The following COL5A2 variants were observed in gnomAD, a reference collection of about 807,000 sequenced individuals.
COL5A2 encodes the protein collagen alpha-2(V) chain.
Under a neutral mutation model 208.2 loss-of-function variants are expected in COL5A2, and 23 were observed. The observed-to-expected ratio is 0.11, with a 90% CI of 0.08 to 0.16. The LOEUF is 0.16. Ranked by LOEUF, COL5A2 falls within the 10% of genes least tolerant of loss-of-function variation. The pLI is 1.00. For synonymous variants in COL5A2, 625 were observed against 628.5 expected (o/e 0.99, Z 0.08); for missense variants, 1,590 against 1,956.4 (o/e 0.81, Z 3.53).
chr2:189,251,287 T>C, the COL5A2 span, among the ~76,000 whole-genome samples: 1 of 152,110 alleles, frequency 6.6e-6, no homozygotes, highest in Non-Finnish European at 1.5e-5. Flanking sequence ...ATCAAGATCA[T>C]GGGGGAGGAA....
the COL5A2 span, among the ~76,000 whole-genome samples, chr2:189,287,476 C>G: frequency 6.6e-6 from 1 of 152,034 alleles, no homozygotes; most frequent in African/African-American, 2.4e-5. Flanking sequence ...AGCCCCTTCT[C>G]TATTCAGTTC....
At chr2:189,341,980 A>C in the COL5A2 span, among the ~76,000 whole-genome samples, 2 of 152,106 alleles carry the variant, frequency 1.3e-5, no homozygotes, top group Admixed American at 1.3e-4. Context: ...AAACTAACTC[A>C]AATTATTGAT....
At chr2:189,247,429 A>G in the COL5A2 span, among the ~76,000 whole-genome samples, 4,938 of 152,184 alleles carry the variant, frequency 0.032, 85 homozygotes, top group Admixed American at 0.047. Flanking sequence ...TTCACAACAC[A>G]TATTTGAGTC....
In COL5A2 at chr2:189,157,326, C is replaced by T. The variant is rs189683738; in HGVS notation, c.97+22182G>A. Among the ~76,000 whole-genome samples the T allele has an allele frequency of 7.3e-4, 111 of 151,620 alleles. 1 individual carries two copies. Among genetic ancestry groups the T allele is most frequent in the Non-Finnish European group, 1.4e-3 (94 of 67,790 alleles). ...GTTAAAGCATATACAAATAATCACA[C>T]GTCTGGAAGTTTAACCCAAAACAAA... On this transcript the variant is annotated intron_variant, in intron 1 of 53. Transcript: ENST00000374866.
At chr2:189,238,491 C>A in the COL5A2 span, among the ~76,000 whole-genome samples, 20 of 152,230 alleles carry the variant, frequency 1.3e-4, no homozygotes, top group African/African-American at 4.6e-4. Flanking sequence ...ATATATTAGT[C>A]TGTTTTCATA....
At chr2:189,157,820 C>T (rs1475688270) in intron 1 of COL5A2, among the ~76,000 whole-genome samples, 2 of 151,922 alleles carry the variant, frequency 1.3e-5, no homozygotes, top group Non-Finnish European at 2.9e-5. Flanking sequence ...GAAATCACTG[C>T]AATAATAAAC....
At chr2:189,440,893 C>A in the COL5A2 span, among the ~76,000 whole-genome samples, 1 of 152,106 alleles carries the variant, frequency 6.6e-6, no homozygotes, top group Admixed American at 6.6e-5. Flanking sequence ...GGAGTAGGAG[C>A]CAGATTTCCA....
At chr2:189,423,895 G>GA in the COL5A2 span, among the ~76,000 whole-genome samples, 4,866 of 145,798 alleles carry the variant, frequency 0.033, 265 homozygotes, top group African/African-American at 0.11. Flanking sequence ...AGACGAGGGG[G>GA]AAAAAAAAAA....
At chr2:189,414,214 G>C in the COL5A2 span, among the ~76,000 whole-genome samples, 17 of 152,158 alleles carry the variant, frequency 1.1e-4, no homozygotes, top group Non-Finnish European at 2.4e-4. Context: ...GTCTTCGCAA[G>C]TGTAAAATCA....
chr2:189,335,755 G>A, the COL5A2 span, among the ~76,000 whole-genome samples: 1 of 151,954 alleles, frequency 6.6e-6, no homozygotes. Flanking sequence ...AGGGTCTGGG[G>A]GAAAAGGAGA....
At chr2:189,347,568 C>T in the COL5A2 span, among the ~76,000 whole-genome samples, 1 of 152,132 alleles carries the variant, frequency 6.6e-6, no homozygotes, top group South Asian at 2.1e-4. Flanking sequence ...GATTACTGGG[C>T]TTCTAGGCTC....
chr2:189,088,785 T>C lies in COL5A2; in HGVS notation c.568-13A>G, dbSNP rs764161163. 1 of 1,608,538 alleles carries C rather than the reference T, an allele frequency of 6.2e-7. No homozygotes were observed. The highest frequency in any genetic ancestry group is 8.5e-7 in the Non-Finnish European group (1 of 1,174,922). On this transcript the variant is annotated splice_polypyrimidine_tract_variant and intron_variant, in intron 7 of 53. Transcript: ENST00000374866. ...GAGCTGAAAACGGCTGTAAAAGCGA[T>C]ATGTTGACATTATTTCTACAGTAAA...
chr2:189,309,568 C>T, the COL5A2 span, among the ~76,000 whole-genome samples: 1 of 152,194 alleles, frequency 6.6e-6, no homozygotes, highest in Non-Finnish European at 1.5e-5. Context: ...TCTCTCAAGT[C>T]ACCTGCTTGG....
At chr2:189,202,666 C>A (rs1049039805) in intron 1 of COL5A2, among the ~76,000 whole-genome samples, 4 of 151,976 alleles carry the variant, frequency 2.6e-5, no homozygotes, top group Non-Finnish European at 2.9e-5. Context: ...GTGTGAGATT[C>A]CATAACTCAC....
chr2:189,376,370 C>T, the COL5A2 span, among the ~76,000 whole-genome samples: 176 of 151,884 alleles, frequency 1.2e-3, no homozygotes, highest in African/African-American at 3.7e-3. Context: ...CAGACTACTT[C>T]AGTTAACTAA....
At chr2:189,170,016 C>CT (rs1688543085) in intron 1 of COL5A2, among the ~76,000 whole-genome samples, 2 of 152,182 alleles carry the variant, frequency 1.3e-5, no homozygotes, top group Non-Finnish European at 2.9e-5. Flanking sequence ...CACACCTGGC[C>CT]TGTTATTATT....
the COL5A2 span, among the ~76,000 whole-genome samples, chr2:189,322,599 C>T: frequency 5.0e-3 from 769 of 152,280 alleles, 5 homozygotes; most frequent in Non-Finnish European, 9.2e-3. Flanking sequence ...AATTCCTCGA[C>T]ACATACACCC....
At chr2:189,341,072 T>C in the COL5A2 span, among the ~76,000 whole-genome samples, 1 of 152,164 alleles carries the variant, frequency 6.6e-6, no homozygotes, top group African/African-American at 2.4e-5. Flanking sequence ...ATATAGATGA[T>C]CAAGTATAGT....
At chr2:189,198,731 T>C (rs1346663181) in intron 1 of COL5A2, among the ~76,000 whole-genome samples, 2 of 59,920 alleles carry the variant, frequency 3.3e-5, no homozygotes, top group African/African-American at 6.5e-5. Flanking sequence ...CTGTAAAACA[T>C]ATATGTTTTC....
Sources: allele counts gnomAD v4.1 joint callset (sites outside exome capture counted in the v4.1 genomes callset), GRCh38; gene constraint gnomAD v4.1.1; transcripts MANE v1.5; gene names NCBI Gene and HGNC (gene_info 2026-07-23, HGNC 2026-07-21).